The following INPP4A variants were observed in gnomAD, a reference collection of about 807,000 sequenced individuals.
INPP4A encodes the protein inositol polyphosphate-4-phosphatase type I A.
A neutral mutation model predicts 119.8 loss-of-function variants in INPP4A; 33 were observed. The observed-to-expected ratio is 0.28, with a 90% CI of 0.21 to 0.37. The LOEUF (loss-of-function observed/expected upper bound fraction) is 0.37. Among genes scored for constraint, INPP4A ranks in the 10% least tolerant of loss-of-function variants. The pLI, the probability that INPP4A is intolerant of heterozygous loss-of-function variation, is 1.00. For missense variants in INPP4A, 956 were observed against 1,289.9 expected (o/e 0.74, Z 3.97); for synonymous variants, 496 against 500.7 (o/e 0.99, Z 0.12).
upstream of INPP4A, chr2:98,444,769 G>C (rs1361320725): frequency 6.6e-6 from 1 of 152,382 alleles, no homozygotes; most frequent in African/African-American, 2.4e-5. Flanking sequence ...GCTCGGGCTG[G>C]TAGTGGGGCG....
At chr2:98,451,190 C>T (rs1168844961) in intron 1 of INPP4A, among the ~76,000 whole-genome samples, 1 of 152,190 alleles carries the variant, frequency 6.6e-6, no homozygotes. Context: ...GGCTGTCAGG[C>T]CCAGGCCTGC....
At chr2:98,462,712 G>A (rs989726787) in intron 1 of INPP4A, among the ~76,000 whole-genome samples, 1 of 151,474 alleles carries the variant, frequency 6.6e-6, no homozygotes, top group African/African-American at 2.4e-5. Context: ...TTTTTTTGTG[G>A]GTTTGGCTAT....
intron 1 of INPP4A, among the ~76,000 whole-genome samples, chr2:98,515,948 T>C (rs1377981398): frequency 1.3e-5 from 2 of 152,056 alleles, no homozygotes; most frequent in East Asian, 3.9e-4. Flanking sequence ...GTCGGAGGGG[T>C]CACATGAGTG....
At position 98,588,152 on chromosome 2, in the gene INPP4A, A is replaced by G. The variant is rs749505015; in HGVS notation, c.*544A>G. The G allele has an allele frequency of 1.4e-5, 3 of 211,858 alleles. No individual in the cohort carries two copies. The highest frequency in any genetic ancestry group is 4.5e-5 in the African/African-American group (2 of 44,204). The allele number at this position is 211,858 out of a possible 1,614,324, so 13.1% of individuals were successfully genotyped here. ...CGGGTTCTAGTGAATTATCCTATCT[A>G]CACTACCACCTGAAGAAGTTGAAAG... On this transcript the variant is annotated 3_prime_UTR_variant, in exon 25 of 25. Coordinates refer to ENST00000409851, the MANE Select transcript of INPP4A (RefSeq NM_001134225.2).
intron 13 of INPP4A, among the ~76,000 whole-genome samples, chr2:98,551,459 G>A (rs1693502984): frequency 6.6e-6 from 1 of 152,168 alleles, no homozygotes. Flanking sequence ...TGGCGTGTGG[G>A]CTTGTGGTGG....
At chr2:98,563,347 T>G in intron 17 of INPP4A, 118 bp from the exon 18 acceptor site, 9 of 906,284 alleles carry the variant, frequency 9.9e-6, no homozygotes, top group South Asian at 1.7e-5. Flanking sequence ...GAAGATGAGG[T>G]GGAGATGGGG....
intron 1 of INPP4A, among the ~76,000 whole-genome samples, chr2:98,472,716 A>G (rs187500736): frequency 5.9e-5 from 9 of 152,352 alleles, no homozygotes; most frequent in African/African-American, 2.2e-4. Flanking sequence ...CATCTGCAGA[A>G]AGGAGGAGTG....
chr2:98,550,005 A>G (rs1217571829), intron 13 of INPP4A, among the ~76,000 whole-genome samples: 1 of 152,052 alleles, frequency 6.6e-6, no homozygotes, highest in Non-Finnish European at 1.5e-5. Context: ...GGTTGAGTCT[A>G]GCGGGGCAGA....
chr2:98,549,074 C>T, intron 13 of INPP4A: 1 of 1,013,438 alleles, frequency 9.9e-7, no homozygotes, highest in Non-Finnish European at 1.5e-6. Context: ...CCCTGCGGTG[C>T]TGCCATGGTT....
intron 1 of INPP4A, among the ~76,000 whole-genome samples, chr2:98,486,735 C>T (rs923579163): frequency 3.9e-5 from 6 of 152,262 alleles, no homozygotes; most frequent in South Asian, 2.1e-4. Context: ...AAACACTAAC[C>T]GCCTCTTGGG....
chr2:98,543,859 T>C lies in INPP4A; in HGVS notation c.819-18T>C. The C allele has an allele frequency of 6.2e-7, 1 of 1,613,384 alleles. No individual in the cohort carries two copies. Among genetic ancestry groups the C allele is most frequent in the Non-Finnish European group, 8.5e-7 (1 of 1,179,630 alleles). ...ACCAGTTAGCCCACAGCCTGATGCA[T>C]CTGTGTCTTGCTTTCAGAGTGTGTG... On this transcript the variant is annotated intron_variant, in intron 10 of 24. Transcript: ENST00000409851.
At position 98,588,350 on chromosome 2, in the gene INPP4A, A is replaced by T. The variant is rs1237633242; in HGVS notation, c.*742A>T. On this transcript the variant is annotated 3_prime_UTR_variant, in exon 25 of 25. Transcript: ENST00000409851. ...CCTTTAGCCTGTCTCCTGTTCTCTG[A>T]AGCTCCCTGCCGAGGCTCCCTCACG... The T allele has an allele frequency of 5.0e-6, 1 of 200,092 alleles. No homozygotes were observed. The highest frequency in any genetic ancestry group is 6.0e-5 in the Admixed American group (1 of 16,570). 12.4% of individuals were successfully genotyped at this position (200,092 alleles called of 1,614,324 possible).
intron 4 of INPP4A, among the ~76,000 whole-genome samples, chr2:98,525,178 G>A (rs1463280341): frequency 3.9e-5 from 6 of 152,152 alleles, no homozygotes; most frequent in Non-Finnish European, 8.8e-5. Flanking sequence ...GTTAAGGCCT[G>A]TTCCCAGCTC....
chr2:98,555,481 C>A, intron 15 of INPP4A, 72 bp from the exon 16 acceptor site: 2 of 1,498,386 alleles, frequency 1.3e-6, no homozygotes, highest in Admixed American at 2.1e-5. Context: ...CAGTGGAGGG[C>A]GATTTGGTTT....
chr2:98,556,893 T>C (rs1454039756), intron 16 of INPP4A, among the ~76,000 whole-genome samples: 1 of 152,262 alleles, frequency 6.6e-6, no homozygotes, highest in Non-Finnish European at 1.5e-5. Context: ...ATGGTTTCAC[T>C]TCCCCACACC....
intron 1 of INPP4A, among the ~76,000 whole-genome samples, chr2:98,469,726 C>T (rs955968301): frequency 6.6e-6 from 1 of 151,990 alleles, no homozygotes; most frequent in African/African-American, 2.4e-5. Flanking sequence ...ATCCCTTGAA[C>T]CTGGGAGGTG....
At chr2:98,536,307 C>T in intron 7 of INPP4A, 99 bp downstream of exon 7, 1 of 739,880 alleles carries the variant, frequency 1.4e-6, no homozygotes, top group Non-Finnish European at 2.4e-6. Flanking sequence ...GAGCACCCTT[C>T]CCTTCCCAGA....
At chr2:98,549,458 C>A (rs929983154) in intron 13 of INPP4A, among the ~76,000 whole-genome samples, 1 of 152,138 alleles carries the variant, frequency 6.6e-6, no homozygotes, top group Non-Finnish European at 1.5e-5. Context: ...TCAGTTTTAC[C>A]CCTGGGGGTG....
intron 1 of INPP4A, among the ~76,000 whole-genome samples, chr2:98,458,778 A>G (rs569987041): frequency 1.4e-4 from 21 of 152,300 alleles, no homozygotes; most frequent in East Asian, 9.7e-4. Flanking sequence ...GCAGAGAGTG[A>G]GGCATGGCCA....
Sources: gnomAD v4.1 joint callset for allele counts (sites outside exome capture counted in the v4.1 genomes callset) on GRCh38, gnomAD v4.1.1 for gene constraint, MANE v1.5 for transcripts, NCBI Gene and HGNC (gene_info 2026-07-23, HGNC 2026-07-21) for gene names.